The following TRIO variants were observed in gnomAD, a reference collection of about 807,000 sequenced individuals.
TRIO encodes trio Rho guanine nucleotide exchange factor, also known as triple functional domain protein.
In TRIO, 58 loss-of-function variants were observed where a neutral mutation model predicts 351.9. That is an observed-to-expected ratio of 0.16 (90% CI 0.13 to 0.21). The LOEUF (loss-of-function observed/expected upper bound fraction) is 0.21. Ranked by LOEUF, TRIO falls within the 10% of genes least tolerant of loss-of-function variation. TRIO has a pLI of 1.00. For missense variants in TRIO, 3,201 were observed against 4,027.8 expected (o/e 0.79, Z 5.56); for synonymous variants, 1,758 against 1,595.7 (o/e 1.10, Z -2.42).
At chr5:14,145,517 G>A (rs62344618) in intron 1 of TRIO, among the ~76,000 whole-genome samples, 2 of 148,832 alleles carry the variant, frequency 1.3e-5, no homozygotes, top group African/African-American at 5.0e-5. Flanking sequence ...TTTTTTTTTG[G>A]TGCGACTGGC....
intron 47 of TRIO, among the ~76,000 whole-genome samples, chr5:14,487,212 TC>T (rs890747651): frequency 6.6e-6 from 1 of 152,158 alleles, no homozygotes; most frequent in Non-Finnish European, 1.5e-5. Context: ...GCCTTGGTCT[TC>T]CTGTGGACAC....
intron 31 of TRIO, among the ~76,000 whole-genome samples, chr5:14,403,663 G>A (rs1748401728): frequency 7.4e-6 from 1 of 135,776 alleles, no homozygotes; most frequent in Admixed American, 7.2e-5. Context: ...TGAGGGTGCA[G>A]GTGGTGGTGA....
chr5:14,187,892 A>T (rs116699577), intron 1 of TRIO, among the ~76,000 whole-genome samples: 2,239 of 152,332 alleles, frequency 0.015, 19 homozygotes, highest in Non-Finnish European at 0.025. Flanking sequence ...ATGGGGATAA[A>T]TGTGTTTTGT....
intron 1 of TRIO, among the ~76,000 whole-genome samples, chr5:14,166,793 C>G (rs1788790953): frequency 1.3e-5 from 2 of 152,128 alleles, no homozygotes; most frequent in Admixed American, 1.3e-4. Flanking sequence ...AGTAGAAATT[C>G]ATGAGAGGGG....
intron 46 of TRIO, 42 bp from the exon 47 acceptor site, chr5:14,485,027 C>A: frequency 6.7e-7 from 1 of 1,491,356 alleles, no homozygotes; most frequent in South Asian, 1.4e-5. Context: ...TGCTTCCTTT[C>A]CACCTGTTAG....
chr5:14,170,847 G>A (rs1438159029), intron 1 of TRIO, among the ~76,000 whole-genome samples: 2 of 151,976 alleles, frequency 1.3e-5, no homozygotes, highest in Non-Finnish European at 2.9e-5. Flanking sequence ...TTACATCTAG[G>A]GAACTATCTT....
At chr5:14,331,473 G>C (rs1443798771) in intron 10 of TRIO, among the ~76,000 whole-genome samples, 1 of 152,298 alleles carries the variant, frequency 6.6e-6, no homozygotes, top group African/African-American at 2.4e-5. Flanking sequence ...GTTGTGGCTT[G>C]ATGAAGTAAC....
intron 3 of TRIO, among the ~76,000 whole-genome samples, chr5:14,285,451 C>T (rs1407677653): frequency 1.3e-5 from 2 of 151,690 alleles, no homozygotes; most frequent in Admixed American, 1.3e-4. Flanking sequence ...GTCATATGTA[C>T]TTTGCATTTG....
Position 14,330,692 on chromosome 5 carries a change from C to A in TRIO, c.1732-86C>A, listed in dbSNP as rs997163771. The A allele has an allele frequency of 4.1e-6, 6 of 1,453,248 alleles. No individual in the cohort carries two copies. The African/African-American group carries it at 8.5e-5, about 21-fold the overall frequency. 90.0% of individuals were successfully genotyped at this position (1,453,248 alleles called of 1,614,324 possible). ...CTTGTTTCTTACAGAGTTTTAACAA[C>A]AGAAGGGGTCTTCATTGGATAACCT... On this transcript the variant is annotated intron_variant, in intron 9 of 56. Coordinates refer to ENST00000344204, the MANE Select transcript of TRIO (RefSeq NM_007118.4).
chr5:14,225,339 C>T (rs1792922549), intron 1 of TRIO, among the ~76,000 whole-genome samples: 1 of 152,104 alleles, frequency 6.6e-6, no homozygotes, highest in Admixed American at 6.5e-5. Flanking sequence ...AACAAATTAC[C>T]ACAAACATAG....
At chr5:14,304,956 G>A (rs143025498) in intron 8 of TRIO, among the ~76,000 whole-genome samples, 201 of 152,274 alleles carry the variant, frequency 1.3e-3, no homozygotes, top group Non-Finnish European at 2.3e-3. Flanking sequence ...TAGAGAAGAT[G>A]GGCTAGATTG....
chr5:14,470,630 G>A (rs1221499254), intron 37 of TRIO, among the ~76,000 whole-genome samples: 1 of 152,200 alleles, frequency 6.6e-6, no homozygotes, highest in Non-Finnish European at 1.5e-5. Flanking sequence ...GGTTCTACTG[G>A]GGATACAGCA....
chr5:14,463,482 G>A (rs1437884112), intron 36 of TRIO, among the ~76,000 whole-genome samples: 1 of 152,200 alleles, frequency 6.6e-6, no homozygotes, highest in African/African-American at 2.4e-5. Flanking sequence ...CTACGCAGGA[G>A]CTTCAAGCCA....
In TRIO at chr5:14,497,953, C is replaced by T; in HGVS notation, c.8047+79C>T. 1.9e-6 allele frequency: 3 copies of T among 1,609,854 alleles called. No homozygotes were observed. Among genetic ancestry groups the T allele is most frequent in the Non-Finnish European group, 2.6e-6 (3 of 1,176,400 alleles). On this transcript the variant is annotated intron_variant, in intron 51 of 56. Transcript: ENST00000344204. This position sits in a 1 kb window ranked among gnomAD's most constrained non-coding sequence, Gnocchi z 4.4. ...CATGTTTCAGAGCACTTGAGTGTGG[C>T]CTCTGGAAATGAGTTTTCCGTGGCG...
rs186492076 is a variant in TRIO at position 14,407,924 on chromosome 5, A to T, written c.4959+1252A>T. Among the ~76,000 whole-genome samples, 58 of 151,794 alleles carry T rather than the reference A, an allele frequency of 3.8e-4. 1 individual carries two copies. In the East Asian group the frequency reaches 5.8e-3, roughly 15 times the overall value. On this transcript the variant is annotated intron_variant, in intron 33 of 56. Coordinates refer to ENST00000344204, the MANE Select transcript of TRIO (RefSeq NM_007118.4). ...TAGAATGCTAGACTGAATTCTTTTTAAAAAAATTGACAGTAAATAGGGGGT... is the reference window on the plus strand; with the variant it reads ...TAGAATGCTAGACTGAATTCTTTTTTAAAAAATTGACAGTAAATAGGGGGT...
At chr5:14,232,504 C>T (rs1793502925) in intron 1 of TRIO, among the ~76,000 whole-genome samples, 1 of 152,186 alleles carries the variant, frequency 6.6e-6, no homozygotes, top group African/African-American at 2.4e-5. Flanking sequence ...TGTCTGGTGT[C>T]CTGGACTCTA....
chr5:14,243,295 G>T (rs1794239028), intron 1 of TRIO, among the ~76,000 whole-genome samples: 2 of 150,874 alleles, frequency 1.3e-5, no homozygotes, highest in Non-Finnish European at 1.5e-5. Context: ...TCAATGTTTT[G>T]CTCGCAACTT....
At chr5:14,155,644 G>A (rs574066551) in intron 1 of TRIO, among the ~76,000 whole-genome samples, 3 of 152,164 alleles carry the variant, frequency 2.0e-5, no homozygotes, top group Non-Finnish European at 4.4e-5. Context: ...AGTTTGGGTT[G>A]CCTGATTCTC....
intron 1 of TRIO, among the ~76,000 whole-genome samples, chr5:14,239,684 A>G (rs528695718): frequency 8.5e-5 from 13 of 152,156 alleles, no homozygotes; most frequent in Middle Eastern, 3.2e-3. Flanking sequence ...CAACTCTAAA[A>G]ACCCACATTC....
Sources: allele counts gnomAD v4.1 joint callset (sites outside exome capture counted in the v4.1 genomes callset), GRCh38; gene constraint gnomAD v4.1.1; non-coding constraint Gnocchi (gnomAD v3.1); transcripts MANE v1.5; gene names NCBI Gene and HGNC (gene_info 2026-07-23, HGNC 2026-07-21).